Variants in CNTN4 observed in about 807,000 individuals in gnomAD.
The protein encoded by CNTN4 is contactin 4, also known as contactin-4.
Under a neutral mutation model 122.5 loss-of-function variants are expected in CNTN4, and 77 were observed. That is an observed-to-expected ratio of 0.63 (90% CI 0.52 to 0.76). The LOEUF is 0.76. CNTN4 is among the 30% of genes least tolerant of loss of function. CNTN4 has a pLI of 0.00. For missense variants in CNTN4, 1,256 were observed against 1,259.1 expected (o/e 1.00, Z 0.04); for synonymous variants, 512 against 447.0 (o/e 1.15, Z -1.83).
At chr3:2,376,558 T>G (rs2045823326) in intron 3 of CNTN4, among the ~76,000 whole-genome samples, 1 of 152,130 alleles carries the variant, frequency 6.6e-6, no homozygotes, top group Non-Finnish European at 1.5e-5. Context: ...GTGTTTTTGA[T>G]GCATTAAGCA....
intron 4 of CNTN4, among the ~76,000 whole-genome samples, chr3:2,618,903 C>A (rs1321144780): frequency 6.6e-6 from 1 of 152,152 alleles, no homozygotes; most frequent in Non-Finnish European, 1.5e-5. Context: ...AATCTGGAGA[C>A]TTAGGTTAGA....
intron 3 of CNTN4, among the ~76,000 whole-genome samples, chr3:2,471,583 C>A (rs902287785): frequency 6.6e-6 from 1 of 152,110 alleles, no homozygotes; most frequent in African/African-American, 2.4e-5. Context: ...CCCTTTTAAT[C>A]TTATGATTGT....
chr3:2,120,405 A>ATTTTTTTT (rs57112843), intron 2 of CNTN4, among the ~76,000 whole-genome samples: 2 of 40,874 alleles, frequency 4.9e-5, no homozygotes, highest in African/African-American at 2.2e-4. Context: ...ATATATATAT[A>ATTTTTTTT]TTTTTTTTTT....
intron 3 of CNTN4, among the ~76,000 whole-genome samples, chr3:2,427,327 G>A (rs1575605733): frequency 6.6e-6 from 1 of 152,114 alleles, no homozygotes; most frequent in African/African-American, 2.4e-5. Flanking sequence ...ATTTCGTTAT[G>A]TACCCAGTAG....
chr3:2,917,401 G>T (rs1341806395), intron 12 of CNTN4, among the ~76,000 whole-genome samples: 1 of 149,454 alleles, frequency 6.7e-6, no homozygotes, highest in African/African-American at 2.6e-5. Context: ...AAAAATAGAA[G>T]ATTTAGCAGT....
intron 3 of CNTN4, among the ~76,000 whole-genome samples, chr3:2,508,647 G>GA (rs2076799861): frequency 6.6e-6 from 1 of 152,136 alleles, no homozygotes; most frequent in South Asian, 2.1e-4. Context: ...GTTCCAAAGA[G>GA]ATGCCGTTTC....
intron 6 of CNTN4, among the ~76,000 whole-genome samples, chr3:2,747,164 T>C (rs9837657): frequency 0.073 from 11,096 of 151,380 alleles, 540 homozygotes; most frequent in African/African-American, 0.14. Flanking sequence ...AATCCCAGCA[T>C]TTTGGGAGGC....
At chr3:2,559,735 A>G (rs1216493130) in intron 3 of CNTN4, among the ~76,000 whole-genome samples, 1 of 152,194 alleles carries the variant, frequency 6.6e-6, no homozygotes, top group Non-Finnish European at 1.5e-5. Context: ...TAAGAATTCA[A>G]TAGCATTTGT....
chr3:2,115,404 ATTC>A (rs1355021337), intron 2 of CNTN4, among the ~76,000 whole-genome samples: 1 of 152,144 alleles, frequency 6.6e-6, no homozygotes, highest in East Asian at 1.9e-4. Context: ...AAAGTTGGTT[ATTC>A]TTTCTTGGAA....
intron 3 of CNTN4, among the ~76,000 whole-genome samples, chr3:2,401,656 A>G (rs541912929): frequency 6.6e-6 from 1 of 152,258 alleles, no homozygotes; most frequent in South Asian, 2.1e-4. Flanking sequence ...AGAAGGAAGA[A>G]TTATTTCATT....
At chr3:2,328,193 CA>C (rs1273567654) in intron 2 of CNTN4, among the ~76,000 whole-genome samples, 86 of 152,230 alleles carry the variant, frequency 5.6e-4, no homozygotes, top group African/African-American at 2.0e-3. Context: ...ATCACGGGGT[CA>C]GGAGATCGAG....
chr3:2,647,835 T>C (rs1319763499), intron 4 of CNTN4, among the ~76,000 whole-genome samples: 6 of 152,230 alleles, frequency 3.9e-5, no homozygotes, highest in African/African-American at 1.4e-4. Context: ...ATTTTCTATT[T>C]TATGGTCATT....
chr3:2,568,010 C>T (rs945637132), intron 3 of CNTN4, among the ~76,000 whole-genome samples: 4 of 152,228 alleles, frequency 2.6e-5, no homozygotes, highest in Admixed American at 1.3e-4. Flanking sequence ...GGACAAGACC[C>T]GCACCTCCCT....
chr3:2,456,061 G>A (rs2048987527), intron 3 of CNTN4, among the ~76,000 whole-genome samples: 1 of 152,038 alleles, frequency 6.6e-6, no homozygotes, highest in African/African-American at 2.4e-5. Context: ...AATCTCTGTT[G>A]TACTATCATG....
rs1192443073 is a variant in CNTN4 at position 3,026,174 on chromosome 3, A to G, written c.1559A>G (p.Gln520Arg). Residue 520 changes from glutamine (Q) to arginine (R), a missense_variant, in exon 15 of 25, where the codon CAG (glutamine) becomes CGG (arginine). Coordinates refer to ENST00000418658, the MANE Select transcript of CNTN4 (RefSeq NM_175607.3). ...TVGESIVLPCQVTHDHSLDIV... is the reference protein window; with the variant it reads ...TVGESIVLPCRVTHDHSLDIV... ...GGAGAGAGTATTGTTTTACCGTGCC[A>G]GGTAACGCATGATCACTCGCTAGAC... is the stretch of plus-strand genomic sequence containing the variant. 6.2e-7 allele frequency: 1 copy of G among 1,613,328 alleles called. No individual in the cohort carries two copies. The highest frequency in any genetic ancestry group is 8.5e-7 in the Non-Finnish European group (1 of 1,179,422).
chr3:2,295,870 G>A (rs1448144388), intron 2 of CNTN4, among the ~76,000 whole-genome samples: 2 of 152,072 alleles, frequency 1.3e-5, no homozygotes, highest in East Asian at 1.9e-4. Context: ...TGTAAGGAAG[G>A]GATCCAGTTT....
chr3:2,967,698 G>A (rs55823020), intron 13 of CNTN4, among the ~76,000 whole-genome samples: 2,822 of 152,018 alleles, frequency 0.019, 104 homozygotes, highest in Admixed American at 0.088. Flanking sequence ...TTTTTCAGAG[G>A]AAAAAACTAT....
At chr3:2,369,946 C>T (rs1420380511) in intron 3 of CNTN4, among the ~76,000 whole-genome samples, 1 of 152,040 alleles carries the variant, frequency 6.6e-6, no homozygotes, top group Non-Finnish European at 1.5e-5. Flanking sequence ...TTTTGATACA[C>T]AATTGTCCAT....
At chr3:2,396,643 G>A (rs576588819) in intron 3 of CNTN4, among the ~76,000 whole-genome samples, 36 of 149,476 alleles carry the variant, frequency 2.4e-4, no homozygotes, top group African/African-American at 8.0e-4. Flanking sequence ...TAAAACTCAA[G>A]TGTTATGTCT....
Sources: gnomAD v4.1 joint callset for allele counts (sites outside exome capture counted in the v4.1 genomes callset) on GRCh38, gnomAD v4.1.1 for gene constraint, MANE v1.5 for transcripts, NCBI Gene and HGNC (gene_info 2026-07-23, HGNC 2026-07-21) for gene names.